Variants in GPC6 observed in about 807,000 individuals in gnomAD.
GPC6 encodes the protein glypican 6, also known as glypican-6.
In GPC6, 14 loss-of-function variants were observed where a neutral mutation model predicts 55.2. That is an observed-to-expected ratio of 0.25 (90% CI 0.17 to 0.40). The LOEUF (loss-of-function observed/expected upper bound fraction) is 0.40, where lower values mean the gene tolerates loss of function less well. GPC6 is among the 10% of genes least tolerant of loss of function. GPC6 has a pLI of 1.00. For missense variants in GPC6, 641 were observed against 708.5 expected (o/e 0.90, Z 1.08); for synonymous variants, 278 against 259.6 (o/e 1.07, Z -0.68).
At chr13:93,497,414 G>A (rs761580529) in intron 1 of GPC6, among the ~76,000 whole-genome samples, 1 of 152,186 alleles carries the variant, frequency 6.6e-6, no homozygotes, top group Non-Finnish European at 1.5e-5. Flanking sequence ...AAGCATCAGC[G>A]CTTCTTACTG....
chr13:93,440,276 C>T (rs1025051967), intron 1 of GPC6, among the ~76,000 whole-genome samples: 6 of 152,188 alleles, frequency 3.9e-5, no homozygotes, highest in African/African-American at 1.4e-4. Flanking sequence ...ACAAGTTGGG[C>T]AATTACAGGC....
At chr13:93,580,455 A>G (rs538123235) in intron 2 of GPC6, among the ~76,000 whole-genome samples, 2 of 152,350 alleles carry the variant, frequency 1.3e-5, no homozygotes, top group South Asian at 2.1e-4. Flanking sequence ...CCCGAAGACT[A>G]CATTATACAC....
chr13:93,511,792 C>T (rs1028504091), intron 1 of GPC6, among the ~76,000 whole-genome samples: 3 of 151,972 alleles, frequency 2.0e-5, no homozygotes, highest in Non-Finnish European at 2.9e-5. Context: ...TTGATTCTTC[C>T]CATCCATGAG....
chr13:94,372,693 G>C (rs554374931), intron 6 of GPC6, among the ~76,000 whole-genome samples: 358 of 151,860 alleles, frequency 2.4e-3, no homozygotes, highest in African/African-American at 7.1e-3. Flanking sequence ...CTGGAAGCTC[G>C]AACTGGGTGG....
rs970296349 is a variant in GPC6 at position 94,227,247 on chromosome 13, C to T, written c.878-59102C>T. Among the ~76,000 whole-genome samples, 5 of 152,250 alleles carry T rather than the reference C, an allele frequency of 3.3e-5. No homozygotes were observed. In the East Asian group the frequency reaches 7.7e-4, roughly 24 times the overall value. On this transcript the variant is annotated intron_variant, in intron 4 of 8. Coordinates refer to ENST00000377047, the MANE Select transcript of GPC6 (RefSeq NM_005708.5). ...TCAAACAGAAAGCTACTGCACAAAT[C>T]CTTGTACTATAAAAGGAAATCAGTG... is the stretch of plus-strand genomic sequence containing the variant.
chr13:94,399,950 TAG>T (rs1202505215), intron 8 of GPC6, among the ~76,000 whole-genome samples: 1 of 152,222 alleles, frequency 6.6e-6, no homozygotes, highest in African/African-American at 2.4e-5. Flanking sequence ...CTCTATCATC[TAG>T]AGAGTGGCTG....
Position 94,407,837 on chromosome 13 carries a change from T to G in GPC6, c.*4620T>G, listed in dbSNP as rs1178155733. ...AAATATTGTATAACCTGCTAAAGAT[T>G]TATTTCACAAATGCTTATTGAACTC... On this transcript the variant is annotated 3_prime_UTR_variant, in exon 9 of 9. Coordinates refer to ENST00000377047, the MANE Select transcript of GPC6 (RefSeq NM_005708.5). Among the ~76,000 whole-genome samples, 2 of 152,202 alleles carry G rather than the reference T, an allele frequency of 1.3e-5. No individual in the cohort carries two copies. The highest frequency in any genetic ancestry group is 2.9e-5 in the Non-Finnish European group (2 of 68,014).
chr13:93,225,087 C>T (rs1356295484), upstream of GPC6, among the ~76,000 whole-genome samples: 1 of 152,144 alleles, frequency 6.6e-6, no homozygotes, highest in African/African-American at 2.4e-5. Context: ...TCTTCCTTTA[C>T]CTCCATTTAA....
rs1007857312 is a variant in GPC6 at position 94,406,796 on chromosome 13, C to G, written c.*3579C>G. Reference sequence around the variant, plus strand: ...CTGAGATGTGATTCTTTTATTACTTCTTTTTGCAAAGCTAATTATCAAATG... The same window carrying G: ...CTGAGATGTGATTCTTTTATTACTTGTTTTTGCAAAGCTAATTATCAAATG... On this transcript the variant is annotated 3_prime_UTR_variant, in exon 9 of 9. Coordinates refer to ENST00000377047, the MANE Select transcript of GPC6 (RefSeq NM_005708.5). 2.0e-5 allele frequency: 3 copies of G among 152,078 alleles called. No homozygotes were observed. Among genetic ancestry groups the G allele is most frequent in the Admixed American group, 2.0e-4 (3 of 15,262 alleles). The allele number at this position is 152,078 out of a possible 1,614,324, so 9.4% of individuals were successfully genotyped here. A position where few individuals can be genotyped will look rare whatever the true frequency, so the allele number is the denominator to read the frequency against.
chr13:94,370,345 T>G (rs565454365), intron 6 of GPC6, among the ~76,000 whole-genome samples: 12 of 152,330 alleles, frequency 7.9e-5, no homozygotes, highest in African/African-American at 2.9e-4. Flanking sequence ...CAAATTAATA[T>G]GTGCTCCCAT....
intron 3 of GPC6, among the ~76,000 whole-genome samples, chr13:93,906,125 G>A (rs1674993480): frequency 6.6e-6 from 1 of 152,032 alleles, no homozygotes; most frequent in African/African-American, 2.4e-5. Context: ...GTGCAGTCTG[G>A]CTCCTGGACC....
chr13:93,830,812 G>A lies in GPC6; in HGVS notation c.711+267G>A, dbSNP rs1005320094. Reference sequence around the variant, plus strand: ...CAGCAGTATAGCAGAGAAGCTTTTAGTACCAATGGTGCAAAAGCAGGCACG... The same window carrying A: ...CAGCAGTATAGCAGAGAAGCTTTTAATACCAATGGTGCAAAAGCAGGCACG... On this transcript the variant is annotated intron_variant, in intron 3 of 8. Transcript: ENST00000377047. 10 of 402,850 alleles carry A rather than the reference G, an allele frequency of 2.5e-5. No individual in the cohort carries two copies. The Admixed American group carries it at 2.5e-4, about 10-fold the overall frequency. The allele number at this position is 402,850 out of a possible 1,614,324, so 25.0% of individuals were successfully genotyped here. A position where few individuals can be genotyped will look rare whatever the true frequency, so the allele number is the denominator to read the frequency against.
chr13:93,818,120 TACAC>T (rs956923106), intron 2 of GPC6, among the ~76,000 whole-genome samples: 1 of 148,208 alleles, frequency 6.7e-6, no homozygotes, highest in Non-Finnish European at 1.5e-5. Flanking sequence ...AATTTATATA[TACAC>T]ACACACATAG....
chr13:93,425,755 T>C (rs1046312981), intron 1 of GPC6, among the ~76,000 whole-genome samples: 1 of 152,064 alleles, frequency 6.6e-6, no homozygotes, highest in African/African-American at 2.4e-5. Context: ...TGGCATAAAT[T>C]CCAAACTTCA....
At chr13:93,516,742 G>A (rs1881212080) in intron 1 of GPC6, among the ~76,000 whole-genome samples, 1 of 150,506 alleles carries the variant, frequency 6.6e-6, no homozygotes, top group Non-Finnish European at 1.5e-5. Context: ...TGAGCAACAG[G>A]TGTATAAGAA....
At chr13:93,284,571 G>T (rs1484740737) in intron 1 of GPC6, among the ~76,000 whole-genome samples, 2 of 152,146 alleles carry the variant, frequency 1.3e-5, no homozygotes, top group East Asian at 3.9e-4. Flanking sequence ...ATATTTGTCA[G>T]ATTTTTGTGA....
chr13:93,287,113 A>T (rs760007295), intron 1 of GPC6, among the ~76,000 whole-genome samples: 1 of 152,170 alleles, frequency 6.6e-6, no homozygotes, highest in South Asian at 2.1e-4. Context: ...CCCCACCAAG[A>T]TATCTCATTA....
chr13:94,009,241 T>C lies in GPC6; in HGVS notation c.712-18488T>C, dbSNP rs185961305. ...TACTCCTTTTTGTGTGTATACAGTA[T>C]GTATTGAAACATAAATGGTTCACTT... is the stretch of plus-strand genomic sequence containing the variant. On this transcript the variant is annotated intron_variant, in intron 3 of 8. Transcript: ENST00000377047. 2.6e-3 allele frequency among the ~76,000 whole-genome samples: 393 copies of C among 152,320 alleles called. 2 individuals are homozygous for C. Among genetic ancestry groups the C allele is most frequent in the African/African-American group, 9.0e-3 (373 of 41,576 alleles).
At chr13:93,546,800 A>C (rs1874812391) in intron 2 of GPC6, among the ~76,000 whole-genome samples, 1 of 152,314 alleles carries the variant, frequency 6.6e-6, no homozygotes, top group Non-Finnish European at 1.5e-5. Flanking sequence ...TACATAAAGC[A>C]GGTGATAATG....
Sources: allele counts gnomAD v4.1 joint callset (sites outside exome capture counted in the v4.1 genomes callset), GRCh38; gene constraint gnomAD v4.1.1; transcripts MANE v1.5; gene names NCBI Gene and HGNC (gene_info 2026-07-23, HGNC 2026-07-21).